The following DLGAP2 variants were observed in gnomAD, a reference collection of about 807,000 sequenced individuals.
DLGAP2 encodes disks large-associated protein 2.
DLGAP2 carries 26 observed loss-of-function variants against 100.3 expected under a neutral mutation model. The observed-to-expected ratio is 0.26, with a 90% CI of 0.19 to 0.36. The LOEUF is 0.36. Among genes scored for constraint, DLGAP2 ranks in the 10% least tolerant of loss-of-function variants. The probability of loss-of-function intolerance (pLI) is 1.00; values close to 1 mark genes in which losing one functional copy is unlikely to be tolerated. For missense variants in DLGAP2, 1,858 were observed against 1,453.2 expected (o/e 1.28, Z -4.53); for synonymous variants, 886 against 630.1 (o/e 1.41, Z -6.08).
chr8:1,359,130 A>G (rs1044281701), intron 3 of DLGAP2, among the ~76,000 whole-genome samples: 2 of 152,160 alleles, frequency 1.3e-5, no homozygotes, highest in African/African-American at 4.8e-5. Flanking sequence ...CTGCACGTGG[A>G]GAACCACCCC....
chr8:1,444,734 G>A (rs1214692094), intron 3 of DLGAP2, among the ~76,000 whole-genome samples: 2 of 145,056 alleles, frequency 1.4e-5, no homozygotes. Flanking sequence ...AGTAGGCATA[G>A]TAGGCATTTC....
At chr8:963,666 C>G (rs186373024) in intron 2 of DLGAP2, among the ~76,000 whole-genome samples, 13 of 150,908 alleles carry the variant, frequency 8.6e-5, no homozygotes, top group African/African-American at 3.1e-4. Flanking sequence ...CCAGGACCTA[C>G]TCTTGCTCTG....
intron 2 of DLGAP2, among the ~76,000 whole-genome samples, chr8:1,149,113 A>C (rs1029085815): frequency 2.0e-5 from 3 of 151,922 alleles, no homozygotes; most frequent in African/African-American, 7.2e-5. Context: ...TACCTTCCTG[A>C]AAAATTCACT....
chr8:1,105,156 C>T (rs778669991), intron 2 of DLGAP2: 2 of 152,212 alleles, frequency 1.3e-5, no homozygotes, highest in African/African-American at 2.4e-5. Context: ...CCTGAGATTT[C>T]GGAGTGATGA....
At chr8:1,185,063 G>T (rs114156043) in intron 2 of DLGAP2, among the ~76,000 whole-genome samples, 21 of 152,216 alleles carry the variant, frequency 1.4e-4, no homozygotes, top group South Asian at 4.2e-4. Context: ...CCCAGGAAAG[G>T]TCGGGCGAGG....
chr8:1,196,075 G>A (rs7009856), intron 2 of DLGAP2, among the ~76,000 whole-genome samples: 1 of 152,092 alleles, frequency 6.6e-6, no homozygotes, highest in East Asian at 1.9e-4. Flanking sequence ...AACCTGGAAA[G>A]CTGTGTCATA....
intron 2 of DLGAP2, among the ~76,000 whole-genome samples, chr8:928,664 C>T (rs923286229): frequency 1.3e-5 from 2 of 152,102 alleles, no homozygotes; most frequent in Non-Finnish European, 2.9e-5. Context: ...CTGGACAGGT[C>T]CTCCTCTGCC....
chr8:896,213 G>T (rs946673035), intron 1 of DLGAP2, among the ~76,000 whole-genome samples: 1 of 143,952 alleles, frequency 6.9e-6, no homozygotes, highest in Non-Finnish European at 1.5e-5. Flanking sequence ...TTGTTGGATG[G>T]GGATGATAGT....
rs530026778 is a variant in DLGAP2 at position 980,904 on chromosome 8, C to T, written c.73+72938C>T. 9.2e-5 allele frequency among the ~76,000 whole-genome samples: 14 copies of T among 152,208 alleles called. No individual in the cohort carries two copies. The East Asian group carries it at 1.9e-3, about 21-fold the overall frequency. ...TTCTAGACTGAGGAGCTGAGACATTCGTGTGATAGTGGCAAAATGTACATA... is the reference window on the plus strand; with the variant it reads ...TTCTAGACTGAGGAGCTGAGACATTTGTGTGATAGTGGCAAAATGTACATA... On this transcript the variant is annotated intron_variant, in intron 2 of 14. Transcript: ENST00000637795.
chr8:1,270,994 A>AT (rs1186202911), intron 3 of DLGAP2, among the ~76,000 whole-genome samples: 1 of 152,082 alleles, frequency 6.6e-6, no homozygotes, highest in African/African-American at 2.4e-5. Flanking sequence ...ATGGGAAGTA[A>AT]TTTTTTAAAT....
At chr8:1,697,377 T>C (rs1799427964) in intron 14 of DLGAP2, 78 bp downstream of exon 14, 3 of 1,500,602 alleles carry the variant, frequency 2.0e-6, no homozygotes, top group Non-Finnish European at 2.7e-6. Flanking sequence ...AGATAGAGCA[T>C]GACAACGGGG....
chr8:1,457,830 G>A (rs1798357545), intron 3 of DLGAP2, among the ~76,000 whole-genome samples: 1 of 151,686 alleles, frequency 6.6e-6, no homozygotes, highest in Admixed American at 6.6e-5. Flanking sequence ...TGTCTGCAGA[G>A]TCACGCAACT....
intron 3 of DLGAP2, among the ~76,000 whole-genome samples, chr8:1,425,058 A>C (rs1311922991): frequency 2.6e-5 from 4 of 152,226 alleles, no homozygotes; most frequent in African/African-American, 9.6e-5. Context: ...ACATTTAAAA[A>C]ATTTTTTGCA....
chr8:1,155,177 C>G (rs1314147044), intron 2 of DLGAP2, among the ~76,000 whole-genome samples: 1 of 152,212 alleles, frequency 6.6e-6, no homozygotes, highest in Non-Finnish European at 1.5e-5. Context: ...CTGCGTCTCT[C>G]CTCTGCCCAG....
chr8:1,039,642 G>C (rs1486678485), intron 2 of DLGAP2, among the ~76,000 whole-genome samples: 27 of 77,138 alleles, frequency 3.5e-4, no homozygotes, highest in Non-Finnish European at 4.7e-4. Context: ...AGCTCGGTGT[G>C]CGTGGTCAGC....
intron 11 of DLGAP2, among the ~76,000 whole-genome samples, chr8:1,676,986 G>A (rs1012862549): frequency 2.0e-5 from 3 of 152,158 alleles, no homozygotes; most frequent in Non-Finnish European, 4.4e-5. Context: ...AGCAAAGCAC[G>A]TTCAAGGCCT....
At chr8:1,533,634 T>G (rs1801059695) in intron 4 of DLGAP2, among the ~76,000 whole-genome samples, 1 of 152,232 alleles carries the variant, frequency 6.6e-6, no homozygotes, top group African/African-American at 2.4e-5. Flanking sequence ...GATTTTAACT[T>G]GCAATGTTTA....
intron 2 of DLGAP2, among the ~76,000 whole-genome samples, chr8:955,466 C>G (rs1253504591): frequency 6.6e-6 from 1 of 152,072 alleles, no homozygotes; most frequent in Non-Finnish European, 1.5e-5. Context: ...GAAGTAAATT[C>G]TACCTTCTCT....
At chr8:925,426 T>G (rs1168992274) in intron 2 of DLGAP2, among the ~76,000 whole-genome samples, 3 of 152,162 alleles carry the variant, frequency 2.0e-5, no homozygotes, top group Non-Finnish European at 2.9e-5. Flanking sequence ...TGGGCTGAAG[T>G]TACCTCACGG....
Sources: gnomAD v4.1 joint callset for allele counts (sites outside exome capture counted in the v4.1 genomes callset) on GRCh38, gnomAD v4.1.1 for gene constraint, MANE v1.5 for transcripts, NCBI Gene and HGNC (gene_info 2026-07-23, HGNC 2026-07-21) for gene names.